ARFIP1: variants seen among roughly 807,000 people sequenced by gnomAD.
ARFIP1 encodes the protein ARF interacting protein 1.
Under a neutral mutation model 42.5 loss-of-function variants are expected in ARFIP1, and 24 were observed. The observed-to-expected ratio is 0.57, with a 90% CI of 0.41 to 0.80. The LOEUF is 0.80. Ranked by LOEUF, ARFIP1 falls within the 30% of genes least tolerant of loss-of-function variation. ARFIP1 has a pLI of 0.00. For missense variants in ARFIP1, 354 were observed against 434.0 expected, an observed-to-expected ratio of 0.82 and a Z score of 1.64; for synonymous variants, 141 against 153.7, an observed-to-expected ratio of 0.92 and a Z score of 0.61.
chr4:152,874,677 G>T (rs1235381537), intron 5 of ARFIP1, among the ~76,000 whole-genome samples: 3 of 152,128 alleles, frequency 2.0e-5, no homozygotes, highest in Non-Finnish European at 2.9e-5. Context: ...TTGTTTGTTT[G>T]TTTGTGTAGA....
At chr4:152,824,862 G>A (rs1468607342) in intron 1 of ARFIP1, among the ~76,000 whole-genome samples, 1 of 152,028 alleles carries the variant, frequency 6.6e-6, no homozygotes, top group Admixed American at 6.6e-5. Flanking sequence ...CAAAATCAGT[G>A]TACACAAAAT....
intron 1 of ARFIP1, among the ~76,000 whole-genome samples, chr4:152,816,064 C>T (rs2149836099): frequency 6.6e-6 from 1 of 152,256 alleles, no homozygotes; most frequent in Non-Finnish European, 1.5e-5. Flanking sequence ...TTCTTTACAT[C>T]CTCAGCTACT....
chr4:152,797,984 G>A (rs763867217), intron 1 of ARFIP1, among the ~76,000 whole-genome samples: 25 of 152,186 alleles, frequency 1.6e-4, no homozygotes, highest in South Asian at 4.1e-4. Context: ...ATGGCCGGGC[G>A]CGGTGGCTCA....
Position 152,803,544 on chromosome 4 carries a change from G to A in ARFIP1, c.-10+23318G>A, listed in dbSNP as rs959976460. On this transcript the variant is annotated intron_variant, in intron 1 of 8. Coordinates refer to ENST00000353617, the MANE Select transcript of ARFIP1 (RefSeq NM_001025595.3). The stretch of plus-strand genomic sequence containing the variant: ...GCTAAATGGTGGGTGGTGGGGAGGT[G>A]GTGTCAAAATCCACCCCCAACATCC... 2.6e-5 allele frequency among the ~76,000 whole-genome samples: 4 copies of A among 152,034 alleles called. No individual in the cohort carries two copies. The South Asian group carries it at 6.2e-4, about 24-fold the overall frequency.
chr4:152,805,331 T>C (rs538946693), intron 1 of ARFIP1, among the ~76,000 whole-genome samples: 2 of 152,320 alleles, frequency 1.3e-5, no homozygotes, highest in African/African-American at 4.8e-5. Flanking sequence ...TATGAGGTAG[T>C]GTATAGAATT....
intron 5 of ARFIP1, among the ~76,000 whole-genome samples, chr4:152,879,774 G>A (rs531947212): frequency 1.1e-4 from 17 of 152,266 alleles, no homozygotes; most frequent in African/African-American, 3.4e-4. Flanking sequence ...GCTTGAACCC[G>A]GGAGGTGGAG....
At chr4:152,909,917 C>A in intron 8 of ARFIP1, 147 bp from the exon 9 acceptor site, 1 of 1,006,476 alleles carries the variant, frequency 9.9e-7, no homozygotes, top group Non-Finnish European at 1.5e-6. Flanking sequence ...GCAGTGTACA[C>A]TTGGTATGTG....
chr4:152,789,066 A>G (rs1730990540), intron 1 of ARFIP1, among the ~76,000 whole-genome samples: 1 of 138,688 alleles, frequency 7.2e-6, no homozygotes, highest in African/African-American at 2.7e-5. Context: ...ATCACATCAT[A>G]TCAAGAATAC....
intron 3 of ARFIP1, among the ~76,000 whole-genome samples, chr4:152,864,824 T>C (rs1009394686): frequency 1.3e-5 from 2 of 152,174 alleles, no homozygotes; most frequent in African/African-American, 4.8e-5. Flanking sequence ...GTTAACTCTT[T>C]TCTGCACACA....
chr4:152,908,348 G>T (rs554227206), intron 8 of ARFIP1, among the ~76,000 whole-genome samples: 5 of 152,172 alleles, frequency 3.3e-5, no homozygotes, highest in African/African-American at 1.2e-4. Context: ...ATATTAGGCC[G>T]GGCACGGTGA....
At chr4:152,788,905 G>A (rs938443736) in intron 1 of ARFIP1, among the ~76,000 whole-genome samples, 2 of 126,464 alleles carry the variant, frequency 1.6e-5, no homozygotes, top group Non-Finnish European at 3.3e-5. Flanking sequence ...AGATTTCCTT[G>A]TTTTTGATGA....
intron 1 of ARFIP1, chr4:152,810,362 T>C (rs374460333): frequency 2.0e-5 from 3 of 152,172 alleles, no homozygotes; most frequent in East Asian, 1.9e-4. Flanking sequence ...AATACATATA[T>C]TAAAAATAAA....
chr4:152,891,069 G>C lies in ARFIP1; in HGVS notation c.966+2762G>C, dbSNP rs561942868. On this transcript the variant is annotated intron_variant, in intron 8 of 8. Transcript: ENST00000353617. ...AGATGGCTCCTTGCTATATCCTCAC[G>C]TGGTGGAACAGGGAGGGGTCCCTCC... Among the ~76,000 whole-genome samples the C allele has an allele frequency of 2.6e-5, 4 of 152,292 alleles. No homozygotes were observed. The South Asian group carries it at 6.2e-4, about 24-fold the overall frequency.
rs149860903 is a variant in ARFIP1, at chr4:152,796,943, C to T, written c.-10+16717C>T. ...TATTAGCCTTTTATGGTGTATGTTGCGAATATTTCATCTTAGTTTGCTTTG... is the reference window on the plus strand; with the variant it reads ...TATTAGCCTTTTATGGTGTATGTTGTGAATATTTCATCTTAGTTTGCTTTG... On this transcript the variant is annotated intron_variant, in intron 1 of 8. Transcript: ENST00000353617. 87 of 273,166 alleles carry T rather than the reference C, an allele frequency of 3.2e-4. 1 individual carries two copies. The East Asian group carries it at 4.1e-3, about 13-fold the overall frequency. The allele number at this position is 273,166 out of a possible 1,614,324, so 16.9% of individuals were successfully genotyped here. A position where few individuals can be genotyped will look rare whatever the true frequency, so the allele number is the denominator to read the frequency against.
intron 2 of ARFIP1, among the ~76,000 whole-genome samples, chr4:152,861,795 G>A (rs7680475): frequency 0.68 from 102,762 of 151,950 alleles, 35,060 homozygotes; most frequent in African/African-American, 0.75. Context: ...CCACTTCATT[G>A]TTATATTTAA....
At chr4:152,871,315 A>G (rs1311389447) in intron 4 of ARFIP1, among the ~76,000 whole-genome samples, 2 of 152,194 alleles carry the variant, frequency 1.3e-5, no homozygotes, top group Admixed American at 6.5e-5. Context: ...TTGCAACACA[A>G]TACTGTTAAT....
intron 8 of ARFIP1, among the ~76,000 whole-genome samples, chr4:152,895,799 C>T (rs1237110566): frequency 1.3e-5 from 2 of 152,008 alleles, no homozygotes; most frequent in African/African-American, 4.8e-5. Context: ...TGGCCTCAAG[C>T]AGTCCTTCTG....
intron 8 of ARFIP1, among the ~76,000 whole-genome samples, chr4:152,904,198 A>ATATTTTT (rs36085096): frequency 5.5e-5 from 7 of 126,684 alleles, no homozygotes; most frequent in Middle Eastern, 3.9e-3. Flanking sequence ...ATATATATAT[A>ATATTTTT]TTTTTTTTTT....
chr4:152,886,386 G>T (rs1736267353), intron 7 of ARFIP1, among the ~76,000 whole-genome samples: 1 of 151,900 alleles, frequency 6.6e-6, no homozygotes, highest in Non-Finnish European at 1.5e-5. Flanking sequence ...CTGCCTGCCT[G>T]TCTAATGTTA....
Sources: allele counts gnomAD v4.1 joint callset (sites outside exome capture counted in the v4.1 genomes callset), GRCh38; gene constraint gnomAD v4.1.1; transcripts MANE v1.5; gene names NCBI Gene and HGNC (gene_info 2026-07-23, HGNC 2026-07-21).